Variants in CNTNAP2 observed in about 807,000 individuals in gnomAD.
CNTNAP2 encodes the protein contactin associated protein 2.
CNTNAP2 carries 98 observed loss-of-function variants against 155.2 expected under a neutral mutation model. The ratio of observed to expected loss-of-function variants is 0.63; its 90% CI spans 0.54 to 0.75. The LOEUF (loss-of-function observed/expected upper bound fraction) is 0.75, where lower values mean the gene tolerates loss of function less well. Among genes scored for constraint, CNTNAP2 ranks in the 30% least tolerant of loss-of-function variants. CNTNAP2 has a pLI of 0.00. For missense variants in CNTNAP2, 1,727 were observed against 1,688.1 expected (o/e 1.02, Z -0.40); for synonymous variants, 651 against 631.2 (o/e 1.03, Z -0.47).
intron 13 of CNTNAP2, among the ~76,000 whole-genome samples, chr7:147,853,475 C>A (rs182873181): frequency 0.025 from 3,741 of 151,552 alleles, 105 homozygotes; most frequent in South Asian, 0.13. Context: ...TTATTTATCT[C>A]CTACACTAAG....
At chr7:148,076,591 A>G (rs1768820043) in intron 15 of CNTNAP2, among the ~76,000 whole-genome samples, 1 of 151,336 alleles carries the variant, frequency 6.6e-6, no homozygotes, top group African/African-American at 2.4e-5. Flanking sequence ...GCCCGCCACC[A>G]TGCCCGGCTA....
chr7:146,347,553 C>T (rs191247799), intron 1 of CNTNAP2, among the ~76,000 whole-genome samples: 9 of 152,218 alleles, frequency 5.9e-5, no homozygotes, highest in Admixed American at 4.6e-4. Flanking sequence ...TCTCAGTCAG[C>T]ATTGGCTTTT....
rs78546834 is a variant in CNTNAP2, at chr7:148,336,442, T to A, written c.3476-47207T>A. Among the ~76,000 whole-genome samples, 8 of 148,734 alleles carry A rather than the reference T, an allele frequency of 5.4e-5. No individual in the cohort carries two copies. The South Asian group carries it at 6.3e-4, about 12-fold the overall frequency. ...ATCAGTAGCAGTGGTGATGGTCTTT[T>A]AAAAAAAAAAAGTTTCGGTTGCTTT... On this transcript the variant is annotated intron_variant, in intron 21 of 23. Coordinates refer to ENST00000361727, the MANE Select transcript of CNTNAP2 (RefSeq NM_014141.6).
At chr7:146,726,895 T>G (rs1272735802) in intron 1 of CNTNAP2, among the ~76,000 whole-genome samples, 1 of 152,182 alleles carries the variant, frequency 6.6e-6, no homozygotes, top group Non-Finnish European at 1.5e-5. Flanking sequence ...ATTTCTCTTT[T>G]CCTCTCCATT....
chr7:147,523,069 G>A (rs1799258353), intron 11 of CNTNAP2, among the ~76,000 whole-genome samples: 1 of 152,202 alleles, frequency 6.6e-6, no homozygotes, highest in African/African-American at 2.4e-5. Flanking sequence ...CTGAGTGCCT[G>A]TGGCCTGGGT....
chr7:146,540,037 G>C (rs551194852), intron 1 of CNTNAP2, among the ~76,000 whole-genome samples: 2 of 152,052 alleles, frequency 1.3e-5, no homozygotes, highest in Non-Finnish European at 2.9e-5. Context: ...TTTTTAAGGC[G>C]TCTTGCAAGA....
chr7:147,329,483 A>G (rs1795519011), intron 9 of CNTNAP2, among the ~76,000 whole-genome samples: 1 of 152,136 alleles, frequency 6.6e-6, no homozygotes, highest in Admixed American at 6.6e-5. Context: ...CTTTATTTTA[A>G]GAAGACTTAC....
At chr7:147,536,079 G>A (rs1021643787) in intron 11 of CNTNAP2, among the ~76,000 whole-genome samples, 1 of 152,140 alleles carries the variant, frequency 6.6e-6, no homozygotes, top group African/African-American at 2.4e-5. Flanking sequence ...ATGACTCACC[G>A]TGGCAGGAAC....
At chr7:147,391,368 A>G (rs183446834) in intron 9 of CNTNAP2, among the ~76,000 whole-genome samples, 113 of 151,588 alleles carry the variant, frequency 7.5e-4, no homozygotes, top group East Asian at 1.7e-3. Flanking sequence ...TCCTTTTTTT[A>G]TGTATATAGA....
At chr7:146,254,163 A>ACACACAC (rs754212213) in intron 1 of CNTNAP2, among the ~76,000 whole-genome samples, 13 of 129,230 alleles carry the variant, frequency 1.0e-4, no homozygotes, top group African/African-American at 4.5e-4. Context: ...ACACACACAC[A>ACACACAC]AGCAAACACA....
intron 1 of CNTNAP2, among the ~76,000 whole-genome samples, chr7:146,248,702 G>T (rs1350986200): frequency 6.6e-6 from 1 of 152,276 alleles, no homozygotes; most frequent in Non-Finnish European, 1.5e-5. Flanking sequence ...TACTGGGCTG[G>T]TCGGTCTGAG....
At chr7:146,857,439 G>T (rs1169200743) in intron 3 of CNTNAP2, among the ~76,000 whole-genome samples, 1 of 151,990 alleles carries the variant, frequency 6.6e-6, no homozygotes, top group Non-Finnish European at 1.5e-5. Context: ...GTTTTAACAG[G>T]GTATTCTTTC....
intron 15 of CNTNAP2, among the ~76,000 whole-genome samples, chr7:147,978,811 G>A (rs1340376743): frequency 2.6e-5 from 4 of 152,028 alleles, no homozygotes; most frequent in African/African-American, 2.4e-5. Flanking sequence ...CTAGGCATCC[G>A]GAGACCTAGA....
chr7:146,454,282 T>G (rs1796523903), intron 1 of CNTNAP2, among the ~76,000 whole-genome samples: 1 of 152,196 alleles, frequency 6.6e-6, no homozygotes, highest in Admixed American at 6.5e-5. Flanking sequence ...TATTCCTTAG[T>G]ATGAAGTATT....
At chr7:148,092,879 T>TAAAAAAA (rs11321148) in intron 15 of CNTNAP2, among the ~76,000 whole-genome samples, 8 of 122,716 alleles carry the variant, frequency 6.5e-5, no homozygotes, top group Admixed American at 4.3e-4. Flanking sequence ...AGTCTCAATT[T>TAAAAAAA]AAAAAAAAAA....
chr7:146,822,361 A>G (rs2129196476), intron 2 of CNTNAP2, among the ~76,000 whole-genome samples: 1 of 152,046 alleles, frequency 6.6e-6, no homozygotes, highest in South Asian at 2.1e-4. Flanking sequence ...TAGGAGATAT[A>G]CCTAATGCTA....
At chr7:147,185,710 T>C (rs866322985) in intron 8 of CNTNAP2, among the ~76,000 whole-genome samples, 10 of 152,142 alleles carry the variant, frequency 6.6e-5, no homozygotes, top group Non-Finnish European at 1.0e-4. Context: ...CAAAACACTA[T>C]GCAATGATGT....
chr7:147,318,433 T>C (rs1375141082), intron 9 of CNTNAP2, among the ~76,000 whole-genome samples: 2 of 152,104 alleles, frequency 1.3e-5, no homozygotes, highest in Admixed American at 6.6e-5. Context: ...CCCTCTTTTG[T>C]TTGTTTGTTT....
At chr7:146,318,511 C>T (rs1420869117) in intron 1 of CNTNAP2, among the ~76,000 whole-genome samples, 1 of 151,988 alleles carries the variant, frequency 6.6e-6, no homozygotes, top group Admixed American at 6.6e-5. Context: ...TCACTTTTTC[C>T]TGTGAAATAA....
Sources: gnomAD v4.1 joint callset for allele counts (sites outside exome capture counted in the v4.1 genomes callset) on GRCh38, gnomAD v4.1.1 for gene constraint, MANE v1.5 for transcripts, NCBI Gene and HGNC (gene_info 2026-07-23, HGNC 2026-07-21) for gene names.